Variants in ZNF638 observed in about 807,000 individuals in gnomAD.
ZNF638 encodes zinc finger protein 638.
In ZNF638, 46 loss-of-function variants were observed where a neutral mutation model predicts 195.6. The observed-to-expected ratio is 0.24, with a 90% CI of 0.19 to 0.30. The LOEUF (loss-of-function observed/expected upper bound fraction) is 0.30, where lower values mean the gene tolerates loss of function less well. Among genes scored for constraint, ZNF638 ranks in the 10% least tolerant of loss-of-function variants. The pLI is 1.00. For missense variants in ZNF638, 2,440 were observed against 2,325.3 expected (o/e 1.05, Z -1.01); for synonymous variants, 845 against 772.0 (o/e 1.09, Z -1.57).
intron 10 of ZNF638, 53 bp from the exon 11 acceptor site, chr2:71,396,088 C>T (rs1411105457): frequency 2.0e-6 from 3 of 1,522,856 alleles, no homozygotes; most frequent in African/African-American, 1.4e-5. Context: ...TTAACTAAAT[C>T]CAAGTGATGT....
chr2:71,364,743 A>C (rs1470832836), intron 5 of ZNF638, among the ~76,000 whole-genome samples: 1 of 152,190 alleles, frequency 6.6e-6, no homozygotes, highest in South Asian at 2.1e-4. Flanking sequence ...CACAGGTCTT[A>C]TTGTGTCTAG....
At chr2:71,383,329 G>T (rs2079567792) in intron 10 of ZNF638, among the ~76,000 whole-genome samples, 1 of 152,010 alleles carries the variant, frequency 6.6e-6, no homozygotes, top group African/African-American at 2.4e-5. Flanking sequence ...AAAATATATT[G>T]TTCTCATTTT....
chr2:71,384,102 C>T (rs2079589678), intron 10 of ZNF638, among the ~76,000 whole-genome samples: 1 of 152,092 alleles, frequency 6.6e-6, no homozygotes, highest in Non-Finnish European at 1.5e-5. Context: ...AACATCCTTC[C>T]CCTTTTCAGC....
chr2:71,404,214 G>C (rs1259389255), intron 17 of ZNF638, among the ~76,000 whole-genome samples: 3 of 152,072 alleles, frequency 2.0e-5, no homozygotes, highest in African/African-American at 7.2e-5. Flanking sequence ...TGTATGTTGG[G>C]ATGGAAAAAA....
intron 10 of ZNF638, among the ~76,000 whole-genome samples, chr2:71,385,760 G>A (rs2079624436): frequency 6.6e-6 from 1 of 152,070 alleles, no homozygotes; most frequent in South Asian, 2.1e-4. Context: ...AGGGTATATG[G>A]GGTCTCTCCT....
intron 1 of ZNF638, among the ~76,000 whole-genome samples, chr2:71,335,048 TTA>T (rs2078641956): frequency 2.0e-5 from 3 of 152,104 alleles, no homozygotes; most frequent in South Asian, 4.1e-4. Context: ...TTAACGTACA[TTA>T]TGTTTTTTTG....
At chr2:71,424,283 C>A (rs2080489530) in intron 22 of ZNF638, among the ~76,000 whole-genome samples, 1 of 148,000 alleles carries the variant, frequency 6.8e-6, no homozygotes, top group Admixed American at 6.7e-5. Context: ...TTGGAAATAA[C>A]TGTGGTTTAA....
Position 71,424,619 on chromosome 2 carries a change from GT to G in ZNF638, c.4525-26del, listed in dbSNP as rs753392209. 24 of 1,551,164 alleles carry G rather than the reference GT, an allele frequency of 1.5e-5. No individual in the cohort carries two copies. In the South Asian group the frequency reaches 2.7e-4, roughly 18 times the overall value. ...CATTAATAATATGGTTGTAAATTCC[GT>G]TTTTCTGTATTTCTTATTTACTATT... On this transcript the variant is annotated intron_variant, in intron 22 of 27. Transcript: ENST00000264447.
intron 21 of ZNF638, among the ~76,000 whole-genome samples, chr2:71,421,999 AC>A (rs1225945474): frequency 6.6e-6 from 1 of 152,214 alleles, no homozygotes; most frequent in Non-Finnish European, 1.5e-5. Context: ...AAGATGAATT[AC>A]ATATACTTAG....
intron 10 of ZNF638, among the ~76,000 whole-genome samples, chr2:71,392,011 A>G (rs549189582): frequency 6.6e-6 from 1 of 152,234 alleles, no homozygotes; most frequent in African/African-American, 2.4e-5. Context: ...TACTGGGACT[A>G]AAACACTATT....
chr2:71,433,348 C>T (rs550554814), intron 27 of ZNF638, 65 bp downstream of exon 27: 52 of 1,181,322 alleles, frequency 4.4e-5, no homozygotes, highest in Admixed American at 3.1e-4. Flanking sequence ...AATTATTTAT[C>T]TCCCCAAACG....
Position 71,395,540 on chromosome 2 carries a change from GT to G in ZNF638, c.2378-597del, listed in dbSNP as rs778611469. Reference sequence around the variant, plus strand: ...AGTGTAAAGGAATTTATCTAGACGAGTTTTATTTACTTTTGCAGACCTTTGA... The same window carrying G: ...AGTGTAAAGGAATTTATCTAGACGAGTTTATTTACTTTTGCAGACCTTTGA... On this transcript the variant is annotated intron_variant, in intron 10 of 27. Coordinates refer to ENST00000264447, the MANE Select transcript of ZNF638 (RefSeq NM_014497.5). 60 of 608,758 alleles carry G rather than the reference GT, an allele frequency of 9.9e-5. 1 individual carries two copies. Among genetic ancestry groups the G allele is most frequent in the South Asian group, 9.5e-4 (51 of 53,686 alleles). The allele number at this position is 608,758 out of a possible 1,614,324, so 37.7% of individuals were successfully genotyped here.
intron 1 of ZNF638, among the ~76,000 whole-genome samples, chr2:71,337,087 A>G (rs983781229): frequency 6.6e-6 from 1 of 151,510 alleles, no homozygotes; most frequent in African/African-American, 2.4e-5. Flanking sequence ...TTTAAGGCTG[A>G]TGCTCTTTAT....
In ZNF638 at chr2:71,373,727, GT is replaced by G. The variant is rs2079363842; in HGVS notation, c.2265+3727del. Among the ~76,000 whole-genome samples, 3 of 151,704 alleles carry G rather than the reference GT, an allele frequency of 2.0e-5. No homozygotes were observed. In the South Asian group the frequency reaches 6.2e-4, roughly 32 times the overall value. On this transcript the variant is annotated intron_variant, in intron 8 of 27. Coordinates refer to ENST00000264447, the MANE Select transcript of ZNF638 (RefSeq NM_014497.5). ...GCCACCTCGCCCGGCCAAGTTTGAT[GT>G]TTTTATGTACTCAAATTTATTGGTA...
At chr2:71,382,639 T>C (rs960462405) in intron 10 of ZNF638, among the ~76,000 whole-genome samples, 6 of 152,224 alleles carry the variant, frequency 3.9e-5, no homozygotes, top group Non-Finnish European at 8.8e-5. Flanking sequence ...GGGGGCACTT[T>C]GTAGAGGCTT....
intron 20 of ZNF638, among the ~76,000 whole-genome samples, chr2:71,414,851 A>G (rs1195293661): frequency 6.4e-5 from 4 of 62,738 alleles, no homozygotes; most frequent in African/African-American, 2.1e-4. Context: ...ATAGTTTGTT[A>G]TAATTTCTGT....
chr2:71,418,080 C>T (rs1430469531), intron 20 of ZNF638: 1 of 152,078 alleles, frequency 6.6e-6, no homozygotes, highest in Non-Finnish European at 1.5e-5. Flanking sequence ...AATTCCTGCC[C>T]TTTTTTGGGG....
chr2:71,410,289 G>C (rs562592799), intron 20 of ZNF638, among the ~76,000 whole-genome samples: 7 of 152,070 alleles, frequency 4.6e-5, no homozygotes, highest in Non-Finnish European at 8.8e-5. Flanking sequence ...GGGCTTAAGC[G>C]ATCCTCTCAC....
At chr2:71,374,912 A>G (rs1558898) in intron 8 of ZNF638, 20,608 of 152,268 alleles carry the variant, frequency 0.14, 1,517 homozygotes, top group African/African-American at 0.16. Flanking sequence ...CAACAGAGCC[A>G]GGCTTTGTCT....
Sources: allele counts gnomAD v4.1 joint callset (sites outside exome capture counted in the v4.1 genomes callset), GRCh38; gene constraint gnomAD v4.1.1; transcripts MANE v1.5; gene names NCBI Gene and HGNC (gene_info 2026-07-23, HGNC 2026-07-21).